Variants in EPB41L2 observed in about 807,000 individuals in gnomAD.
EPB41L2 encodes band 4.1-like protein 2.
EPB41L2 carries 43 observed loss-of-function variants against 113.0 expected under a neutral mutation model. That is an observed-to-expected ratio of 0.38 (90% CI 0.30 to 0.49). The LOEUF (loss-of-function observed/expected upper bound fraction) is 0.49, where lower values mean the gene tolerates loss of function less well. Among genes scored for constraint, EPB41L2 ranks in the 20% least tolerant of loss-of-function variants. The probability of loss-of-function intolerance (pLI) is 0.95; values close to 1 mark genes in which losing one functional copy is unlikely to be tolerated. For synonymous variants in EPB41L2, 442 were observed against 436.7 expected (o/e 1.01, Z -0.15); for missense variants, 1,147 against 1,223.4 (o/e 0.94, Z 0.93).
At chr6:130,912,912 A>G (rs1799869727) in intron 4 of EPB41L2, among the ~76,000 whole-genome samples, 1 of 152,202 alleles carries the variant, frequency 6.6e-6, no homozygotes, top group Non-Finnish European at 1.5e-5. Flanking sequence ...AGTCCCCAGA[A>G]TATTAACACA....
intron 3 of EPB41L2, among the ~76,000 whole-genome samples, chr6:130,954,272 C>A (rs1330254441): frequency 1.3e-5 from 2 of 151,784 alleles, no homozygotes; most frequent in Non-Finnish European, 2.9e-5. Context: ...CCAGGATGGT[C>A]TGGATCTCCT....
intron 1 of EPB41L2, among the ~76,000 whole-genome samples, chr6:130,972,275 G>C (rs1323127725): frequency 1.6e-5 from 2 of 127,518 alleles, no homozygotes; most frequent in Non-Finnish European, 3.1e-5. Flanking sequence ...AGTAAGCCAA[G>C]ATTGCGCCAT....
At chr6:130,975,090 CCA>C (rs1326481567) in intron 1 of EPB41L2, among the ~76,000 whole-genome samples, 2 of 152,032 alleles carry the variant, frequency 1.3e-5, no homozygotes, top group Non-Finnish European at 2.9e-5. Flanking sequence ...CAAAGCACGT[CCA>C]GTGTCATTTA....
intron 5 of EPB41L2, among the ~76,000 whole-genome samples, chr6:130,908,286 G>T (rs1215375831): frequency 1.3e-5 from 2 of 152,172 alleles, no homozygotes; most frequent in Non-Finnish European, 2.9e-5. Context: ...CAGGCTCAAA[G>T]AGTATGCAAA....
intron 19 of EPB41L2, among the ~76,000 whole-genome samples, chr6:130,846,366 T>A (rs1272985327): frequency 6.6e-6 from 1 of 152,220 alleles, no homozygotes; most frequent in African/African-American, 2.4e-5. Flanking sequence ...ACAATTCACA[T>A]GAACAAAATC....
chr6:131,037,608 A>G (rs1291077831), intron 1 of EPB41L2, among the ~76,000 whole-genome samples: 1 of 39,564 alleles, frequency 2.5e-5, no homozygotes, highest in Admixed American at 2.1e-4. Context: ...TTTTTTTTTA[A>G]GATGAAGTCT....
chr6:130,894,404 G>A lies in EPB41L2; in HGVS notation c.1427C>T (p.Pro476Leu), dbSNP rs745575492. Residue 476 changes from proline to leucine, a missense_variant, in exon 10 of 20, where the codon CCA (proline) becomes CTA (leucine). Physicochemically the swap from Pro to Leu is moderately conservative, Grantham distance 98. Transcript: ENST00000337057. ...QFESTIGFKL[P>L]NHRAAKRLWK... The stretch of plus-strand genomic sequence containing the variant: ...TAGTCTTTTCGCTGCCCGGTGGTTT[G>A]GCAGTTTGAATCCAATGGTACTCTC... 10 of 1,613,732 alleles carry A rather than the reference G, an allele frequency of 6.2e-6. No homozygotes were observed. In the African/African-American group the frequency reaches 9.4e-5, roughly 15 times the overall value.
chr6:130,923,729 G>A (rs1157255210), intron 4 of EPB41L2, among the ~76,000 whole-genome samples: 1 of 151,992 alleles, frequency 6.6e-6, no homozygotes, highest in Admixed American at 6.5e-5. Context: ...ACATAAGCAG[G>A]GGCATCTCTG....
chr6:130,902,692 A>T (rs2128499359), intron 6 of EPB41L2, among the ~76,000 whole-genome samples: 1 of 152,326 alleles, frequency 6.6e-6, no homozygotes, highest in South Asian at 2.1e-4. Context: ...TGGAAGTTTT[A>T]GAACCTAAAC....
At chr6:130,869,462 GAAA>G in intron 15 of EPB41L2, 98 bp downstream of exon 15, 1 of 1,100,062 alleles carries the variant, frequency 9.1e-7, no homozygotes, top group Non-Finnish European at 1.3e-6. Flanking sequence ...GATTCTTGTT[GAAA>G]AAAGCTGAAG....
chr6:131,053,438 A>T (rs1180288028), intron 1 of EPB41L2, among the ~76,000 whole-genome samples: 1 of 118,004 alleles, frequency 8.5e-6, no homozygotes, highest in African/African-American at 3.7e-5. Flanking sequence ...AAATGATAAA[A>T]AAAAAAAAAA....
intron 14 of EPB41L2, chr6:130,870,446 C>A: frequency 6.7e-7 from 1 of 1,497,878 alleles, no homozygotes; most frequent in Non-Finnish European, 9.1e-7. Context: ...ACCACTGAAA[C>A]AAACATCTGA....
At chr6:131,046,340 A>T (rs370597406) in intron 1 of EPB41L2, among the ~76,000 whole-genome samples, 2 of 152,174 alleles carry the variant, frequency 1.3e-5, no homozygotes, top group African/African-American at 4.8e-5. Flanking sequence ...GAGAAAACAG[A>T]CACACAAAGC....
chr6:130,900,838 G>A, intron 7 of EPB41L2, 124 bp downstream of exon 7: 1 of 1,118,342 alleles, frequency 8.9e-7, no homozygotes. Context: ...ATTAGTGCTA[G>A]GTGAAACTCC....
intron 1 of EPB41L2, among the ~76,000 whole-genome samples, chr6:130,970,649 T>C (rs917152776): frequency 1.3e-5 from 2 of 152,256 alleles, no homozygotes; most frequent in African/African-American, 4.8e-5. Context: ...TTATGACTTT[T>C]GCTTTGCTTT....
intron 15 of EPB41L2, 92 bp from the exon 16 acceptor site, chr6:130,867,673 T>C (rs1176663901): frequency 6.9e-7 from 1 of 1,458,668 alleles, no homozygotes; most frequent in South Asian, 1.2e-5. Context: ...AAGAAACATA[T>C]CCAAACACAC....
chr6:130,960,622 G>T (rs1204258093), intron 1 of EPB41L2, among the ~76,000 whole-genome samples: 1 of 152,120 alleles, frequency 6.6e-6, no homozygotes, highest in East Asian at 1.9e-4. Flanking sequence ...AGACTAATTG[G>T]ATCATTACTC....
At chr6:130,867,944 A>G in intron 15 of EPB41L2, 1 of 129,142 alleles carries the variant, frequency 7.7e-6, no homozygotes, top group Non-Finnish European at 1.4e-5. Flanking sequence ...AGTGACACAC[A>G]CACACACACA....
chr6:131,046,430 G>T (rs1202739682), intron 1 of EPB41L2, among the ~76,000 whole-genome samples: 1 of 152,042 alleles, frequency 6.6e-6, no homozygotes, highest in Non-Finnish European at 1.5e-5. Flanking sequence ...TCTATCCTCT[G>T]CTCCTTTCAG....
Sources: gnomAD v4.1 joint callset for allele counts (sites outside exome capture counted in the v4.1 genomes callset) on GRCh38, gnomAD v4.1.1 for gene constraint, MANE v1.5 for transcripts, NCBI Gene and HGNC (gene_info 2026-07-23, HGNC 2026-07-21) for gene names.